EYA3: variants seen among roughly 807,000 people sequenced by gnomAD.
EYA3 encodes protein phosphatase EYA3.
A neutral mutation model predicts 80.0 loss-of-function variants in EYA3; 39 were observed. The observed-to-expected ratio is 0.49, with a 90% CI of 0.38 to 0.64. EYA3 has a LOEUF of 0.64. EYA3 is among the 30% of genes least tolerant of loss of function. The probability of loss-of-function intolerance (pLI) is 0.00; values close to 1 mark genes in which losing one functional copy is unlikely to be tolerated. For synonymous variants in EYA3, 206 were observed against 232.8 expected, an observed-to-expected ratio of 0.88 and a Z score of 1.05; for missense variants, 523 against 676.1, an observed-to-expected ratio of 0.77 and a Z score of 2.51.
chr1:27,978,702 G>A (rs572094601), intron 16 of EYA3, among the ~76,000 whole-genome samples: 4 of 152,314 alleles, frequency 2.6e-5, no homozygotes, highest in Admixed American at 2.0e-4. Context: ...GGTGGCTCAA[G>A]CCTGTAATCC....
intron 1 of EYA3, among the ~76,000 whole-genome samples, chr1:28,085,720 T>C (rs928507871): frequency 5.9e-5 from 9 of 152,220 alleles, no homozygotes; most frequent in African/African-American, 1.9e-4. Context: ...TAATTTTTTT[T>C]CCTGAGCTTT....
chr1:28,086,998 G>A (rs1485846566), intron 1 of EYA3, among the ~76,000 whole-genome samples: 3 of 152,142 alleles, frequency 2.0e-5, no homozygotes, highest in Non-Finnish European at 2.9e-5. Flanking sequence ...ATATAATGAA[G>A]ATTTTTCTAT....
chr1:28,001,406 T>C (rs570465217), intron 11 of EYA3, among the ~76,000 whole-genome samples: 52 of 151,440 alleles, frequency 3.4e-4, no homozygotes, highest in African/African-American at 1.1e-3. Context: ...GTTTATAATG[T>C]AAAAAACTGT....
chr1:28,050,202 A>AT (rs377733875), intron 2 of EYA3, among the ~76,000 whole-genome samples: 2 of 142,542 alleles, frequency 1.4e-5, no homozygotes, highest in Admixed American at 1.4e-4. Context: ...TATTATTATT[A>AT]TTTTTTTTGA....
chr1:27,976,479 A>C (rs1378712268), intron 17 of EYA3, among the ~76,000 whole-genome samples: 1 of 151,652 alleles, frequency 6.6e-6, no homozygotes, highest in African/African-American at 2.4e-5. Context: ...ACAAAACAAA[A>C]AAAAGAATGC....
At chr1:28,018,643 T>C (rs1642230750) in intron 7 of EYA3, among the ~76,000 whole-genome samples, 2 of 152,220 alleles carry the variant, frequency 1.3e-5, no homozygotes, top group African/African-American at 2.4e-5. Flanking sequence ...TTTCATCCCT[T>C]TCCCTAAGGG....
chr1:28,069,882 T>C (rs1162406957), intron 1 of EYA3, among the ~76,000 whole-genome samples: 2 of 152,136 alleles, frequency 1.3e-5, no homozygotes, highest in Non-Finnish European at 2.9e-5. Flanking sequence ...AAAGCAGACA[T>C]TTAACACACA....
intron 7 of EYA3, among the ~76,000 whole-genome samples, chr1:28,027,097 A>G (rs1642834250): frequency 6.6e-6 from 1 of 152,218 alleles, no homozygotes; most frequent in Non-Finnish European, 1.5e-5. Context: ...GCAGATGAGA[A>G]GCCAGGTACA....
chr1:28,044,779 T>C, intron 3 of EYA3, among the ~76,000 whole-genome samples: 1 of 152,108 alleles, frequency 6.6e-6, no homozygotes, highest in Non-Finnish European at 1.5e-5. Context: ...TTGGTTTTTG[T>C]TTTGTTTTTT....
At chr1:28,077,879 A>G (rs1645278909) in intron 1 of EYA3, among the ~76,000 whole-genome samples, 1 of 152,170 alleles carries the variant, frequency 6.6e-6, no homozygotes, top group African/African-American at 2.4e-5. Context: ...TATCTCATCT[A>G]TACATCAGTC....
chr1:28,023,893 ACT>A (rs1189915601), intron 7 of EYA3, among the ~76,000 whole-genome samples: 4 of 152,080 alleles, frequency 2.6e-5, no homozygotes, highest in African/African-American at 9.7e-5. Flanking sequence ...ATATATGGGA[ACT>A]CTCTGTACTG....
chr1:27,984,651 T>C (rs1639530608), intron 16 of EYA3, among the ~76,000 whole-genome samples: 1 of 152,244 alleles, frequency 6.6e-6, no homozygotes, highest in Admixed American at 6.5e-5. Flanking sequence ...TTGTCACTGC[T>C]GTATTCCTAG....
rs1641574900 is a variant in EYA3, at chr1:28,009,937, G to T, written c.909+1010C>A. On this transcript the variant is annotated intron_variant, in intron 10 of 17. Coordinates refer to ENST00000373871, the MANE Select transcript of EYA3 (RefSeq NM_001990.4). This position sits in a 1 kb window ranked among gnomAD's most constrained non-coding sequence, Gnocchi z 4.8. ...ACACTAAATTGTACACTTAAAAATG[G>T]CTAAAATGGTAAATTTTATGTATAT... Among the ~76,000 whole-genome samples the T allele has an allele frequency of 6.6e-6, 1 of 152,094 alleles. No individual in the cohort carries two copies. The highest frequency in any genetic ancestry group is 1.5e-5 in the Non-Finnish European group (1 of 68,004).
chr1:27,974,382 A>C lies in EYA3; in HGVS notation c.*84T>G. The C allele has an allele frequency of 1.0e-6, 1 of 952,438 alleles. No individual in the cohort carries two copies. Among genetic ancestry groups the C allele is most frequent in the Non-Finnish European group, 1.6e-6 (1 of 609,958 alleles). The allele number at this position is 952,438 out of a possible 1,614,324, so 59.0% of individuals were successfully genotyped here. The stretch of plus-strand genomic sequence containing the variant: ...GACAGAGACACAGAGAGAGACAGAC[A>C]GAGAAAGTTCTCAGTTGGTTCCAGT... On this transcript the variant is annotated 3_prime_UTR_variant, in exon 18 of 18. Transcript: ENST00000373871.
In EYA3 at chr1:27,989,720, C is replaced by G; in HGVS notation, c.1395G>C (p.Lys465Asn). Residue 465 changes from lysine (K) to asparagine (N), a missense_variant, in exon 15 of 18, where the codon AAG becomes AAC. Coordinates refer to ENST00000373871, the MANE Select transcript of EYA3 (RefSeq NM_001990.4). ...LTDSWLGTAL[K>N]SLLLIQSRKN... is the part of the protein sequence containing the mutation. ...ACCTGGACTGGATGAGAAGTAAGGA[C>G]TTTAATGCAGTTCCTAACCAGGAAT... 2.5e-6 allele frequency: 4 copies of G among 1,611,564 alleles called. No individual in the cohort carries two copies. The highest frequency in any genetic ancestry group is 3.4e-6 in the Non-Finnish European group (4 of 1,178,488).
intron 1 of EYA3, among the ~76,000 whole-genome samples, chr1:28,070,604 C>T (rs989484390): frequency 6.7e-6 from 1 of 149,032 alleles, no homozygotes; most frequent in Non-Finnish European, 1.5e-5. Flanking sequence ...GAGAACACAA[C>T]TGTACATACA....
chr1:28,018,226 G>A (rs1171228393), intron 7 of EYA3, among the ~76,000 whole-genome samples: 1 of 151,748 alleles, frequency 6.6e-6, no homozygotes, highest in Non-Finnish European at 1.5e-5. Context: ...AGAAAAAAAA[G>A]AAAGAAAATG....
At chr1:28,057,015 C>T (rs551355) in intron 2 of EYA3, among the ~76,000 whole-genome samples, 64,195 of 151,974 alleles carry the variant, frequency 0.42, 15,569 homozygotes, top group African/African-American at 0.67. Context: ...AGGGATCACA[C>T]TTCAAATGTT....
At chr1:27,980,540 G>T (rs1639226679) in intron 16 of EYA3, among the ~76,000 whole-genome samples, 1 of 152,212 alleles carries the variant, frequency 6.6e-6, no homozygotes, top group Non-Finnish European at 1.5e-5. Flanking sequence ...GTTATTAACA[G>T]CTCAAAGTAA....
Sources: gnomAD v4.1 joint callset for allele counts (sites outside exome capture counted in the v4.1 genomes callset) on GRCh38, gnomAD v4.1.1 for gene constraint, Gnocchi (gnomAD v3.1) non-coding constraint, MANE v1.5 for transcripts, NCBI Gene and HGNC (gene_info 2026-07-23, HGNC 2026-07-21) for gene names.